The following NRXN1 variants were observed in gnomAD, a reference collection of about 807,000 sequenced individuals.
NRXN1 encodes neurexin 1.
NRXN1 carries 39 observed loss-of-function variants against 150.9 expected under a neutral mutation model. That is an observed-to-expected ratio of 0.26 (90% confidence interval 0.20 to 0.34). NRXN1 has a LOEUF of 0.34. Among genes scored for constraint, NRXN1 ranks in the 10% least tolerant of loss-of-function variants. The probability of loss-of-function intolerance (pLI) is 1.00; values close to 1 mark genes in which losing one functional copy is unlikely to be tolerated. For synonymous variants in NRXN1, 924 were observed against 757.0 expected, an observed-to-expected ratio of 1.22 and a Z score of -3.62; for missense variants, 1,815 against 1,949.9, an observed-to-expected ratio of 0.93 and a Z score of 1.30.
chr2:50,548,311 T>C (rs2093538823), intron 9 of NRXN1: 1 of 152,192 alleles, frequency 6.6e-6, no homozygotes, highest in Non-Finnish European at 1.5e-5. Flanking sequence ...GTTTACACAT[T>C]CGCTAACAAT....
intron 8 of NRXN1, among the ~76,000 whole-genome samples, chr2:50,570,600 G>A (rs796078381): frequency 8.5e-5 from 13 of 152,190 alleles, no homozygotes; most frequent in African/African-American, 3.1e-4. Context: ...GAAAGCAACT[G>A]TAAGCCCAGG....
At chr2:50,796,289 CT>C (rs1330817548) in intron 5 of NRXN1, among the ~76,000 whole-genome samples, 1 of 152,142 alleles carries the variant, frequency 6.6e-6, no homozygotes, top group Non-Finnish European at 1.5e-5. Flanking sequence ...TCTAAAGGAA[CT>C]CATAAATGAG....
At chr2:50,719,675 A>G (rs941747665) in intron 5 of NRXN1, among the ~76,000 whole-genome samples, 1 of 151,754 alleles carries the variant, frequency 6.6e-6, no homozygotes, top group South Asian at 2.1e-4. Context: ...GACTCTGTCT[A>G]AAAAAAACAA....
At chr2:49,948,433 CTTT>C (rs1228674524) in intron 21 of NRXN1, among the ~76,000 whole-genome samples, 3 of 151,952 alleles carry the variant, frequency 2.0e-5, no homozygotes, top group African/African-American at 7.2e-5. Flanking sequence ...CTATATTTTA[CTTT>C]TTAATGTAAT....
At chr2:50,554,872 T>A (rs1326209868) in intron 8 of NRXN1, among the ~76,000 whole-genome samples, 1 of 152,126 alleles carries the variant, frequency 6.6e-6, no homozygotes, top group Non-Finnish European at 1.5e-5. Flanking sequence ...ATATGTACAA[T>A]GGTTTAACAA....
chr2:50,047,094 G>A lies in NRXN1; in HGVS notation c.4128+6177C>T, dbSNP rs192158697. Among the ~76,000 whole-genome samples, 7 of 152,240 alleles carry A rather than the reference G, an allele frequency of 4.6e-5. 1 individual carries two copies. Among genetic ancestry groups the A allele is most frequent in the East Asian group, 1.9e-4 (1 of 5,174 alleles). ...TTCAAAAGGATAGTCTGACAGTTGG[G>A]TGGAGATCACAATGGAGGTGGTTAA... On this transcript the variant is annotated intron_variant, in intron 21 of 22. Transcript: ENST00000401669.
chr2:50,450,234 G>T (rs1411470275), intron 17 of NRXN1, among the ~76,000 whole-genome samples: 1 of 151,994 alleles, frequency 6.6e-6, no homozygotes, highest in Non-Finnish European at 1.5e-5. Context: ...CACTTCCAAC[G>T]CTCATTTCTA....
intron 2 of NRXN1, among the ~76,000 whole-genome samples, chr2:51,017,861 C>G (rs1006513640): frequency 6.6e-6 from 1 of 152,040 alleles, no homozygotes. Flanking sequence ...AGTTAAAGAG[C>G]TTAAGCTGTA....
intron 18 of NRXN1, among the ~76,000 whole-genome samples, chr2:50,164,900 T>G (rs1410930219): frequency 6.6e-6 from 1 of 152,196 alleles, no homozygotes; most frequent in Non-Finnish European, 1.5e-5. Flanking sequence ...GCTCTGTACT[T>G]ACTGTCAGTG....
chr2:50,937,414 C>G (rs1541602), intron 2 of NRXN1, among the ~76,000 whole-genome samples: 1 of 151,840 alleles, frequency 6.6e-6, no homozygotes, highest in Non-Finnish European at 1.5e-5. Flanking sequence ...CTATCAGTAG[C>G]ATGGGAATGA....
At chr2:50,471,551 C>A (rs1230184632) in intron 16 of NRXN1, among the ~76,000 whole-genome samples, 1 of 151,730 alleles carries the variant, frequency 6.6e-6, no homozygotes, top group Non-Finnish European at 1.5e-5. Flanking sequence ...TTATGCATTG[C>A]GCAGTGATAA....
At chr2:50,682,542 T>C (rs1195019465) in intron 5 of NRXN1, among the ~76,000 whole-genome samples, 3 of 152,136 alleles carry the variant, frequency 2.0e-5, no homozygotes, top group African/African-American at 7.2e-5. Flanking sequence ...GCACGAAAGG[T>C]AGGGTAATAT....
At chr2:50,894,118 T>G (rs1033790521) in intron 5 of NRXN1, among the ~76,000 whole-genome samples, 2 of 151,796 alleles carry the variant, frequency 1.3e-5, no homozygotes, top group Non-Finnish European at 2.9e-5. Context: ...AGGGATAGCA[T>G]TGGGAGATAT....
intron 19 of NRXN1, among the ~76,000 whole-genome samples, chr2:50,066,268 T>C (rs550736428): frequency 1.1e-4 from 17 of 152,298 alleles, no homozygotes; most frequent in African/African-American, 3.8e-4. Flanking sequence ...TGGATTCTAT[T>C]GTTGAAGAGC....
intron 5 of NRXN1, among the ~76,000 whole-genome samples, chr2:50,694,420 T>G (rs1238868993): frequency 6.6e-6 from 1 of 152,322 alleles, no homozygotes; most frequent in South Asian, 2.1e-4. Context: ...ACTTCTAAGC[T>G]GTATACTATA....
intron 21 of NRXN1, among the ~76,000 whole-genome samples, chr2:50,008,190 C>T (rs894354767): frequency 6.6e-6 from 1 of 152,078 alleles, no homozygotes; most frequent in Admixed American, 6.6e-5. Context: ...AGCATTGATA[C>T]ATGGTTTTCC....
intron 5 of NRXN1, among the ~76,000 whole-genome samples, chr2:50,891,923 T>C (rs886712343): frequency 1.3e-5 from 2 of 152,112 alleles, no homozygotes; most frequent in African/African-American, 2.4e-5. Flanking sequence ...ACATATGCCA[T>C]GCACTGTTGT....
At chr2:50,926,856 C>T (rs1337966556) in intron 2 of NRXN1, among the ~76,000 whole-genome samples, 1 of 151,506 alleles carries the variant, frequency 6.6e-6, no homozygotes, top group Non-Finnish European at 1.5e-5. Context: ...ACATATATAT[C>T]CAAGCAGATT....
intron 5 of NRXN1, among the ~76,000 whole-genome samples, chr2:50,863,888 T>C (rs989979347): frequency 1.3e-4 from 19 of 151,998 alleles, no homozygotes; most frequent in African/African-American, 4.6e-4. Context: ...GGTGAGCCTA[T>C]GAGATAGGAA....
Sources: gnomAD v4.1 joint callset for allele counts (sites outside exome capture counted in the v4.1 genomes callset) on GRCh38, gnomAD v4.1.1 for gene constraint, MANE v1.5 for transcripts, NCBI Gene and HGNC (gene_info 2026-07-23, HGNC 2026-07-21) for gene names.